The following CSMD1 variants were observed in gnomAD, a reference collection of about 807,000 sequenced individuals.
CSMD1 encodes the protein CUB and sushi domain-containing protein 1.
In CSMD1, 213 loss-of-function variants were observed where a neutral mutation model predicts 417.5. The observed-to-expected ratio is 0.51, with a 90% CI of 0.46 to 0.57. The LOEUF (loss-of-function observed/expected upper bound fraction) is 0.57. Among genes scored for constraint, CSMD1 ranks in the 20% least tolerant of loss-of-function variants. The probability of loss-of-function intolerance (pLI) is 0.00; values close to 1 mark genes in which losing one functional copy is unlikely to be tolerated. For missense variants in CSMD1, 6,923 were observed against 4,529.7 expected (o/e 1.53, Z -15.17); for synonymous variants, 2,862 against 1,736.8 (o/e 1.65, Z -16.11).
At chr8:3,813,081 T>C (rs1188481460) in intron 5 of CSMD1, among the ~76,000 whole-genome samples, 2 of 145,296 alleles carry the variant, frequency 1.4e-5, no homozygotes, top group Non-Finnish European at 3.0e-5. Context: ...GAAAATTCTA[T>C]TTTAAGCTAG....
intron 3 of CSMD1, among the ~76,000 whole-genome samples, chr8:4,175,907 C>T (rs572385943): frequency 2.0e-5 from 3 of 152,066 alleles, no homozygotes; most frequent in African/African-American, 7.3e-5. Context: ...TCCTAATTAC[C>T]ACTTTTCTGT....
At chr8:3,128,755 A>G (rs376997387) in intron 41 of CSMD1, 4 of 407,940 alleles carry the variant, frequency 9.8e-6, no homozygotes, top group South Asian at 7.2e-5. Context: ...TATCTCAGTG[A>G]TAGGAAATTA....
chr8:3,194,509 G>C (rs1796595514), intron 33 of CSMD1, among the ~76,000 whole-genome samples: 1 of 151,166 alleles, frequency 6.6e-6, no homozygotes, highest in Non-Finnish European at 1.5e-5. Flanking sequence ...CCAGGCTGGA[G>C]TACAGTGGTG....
intron 3 of CSMD1, among the ~76,000 whole-genome samples, chr8:4,417,763 A>C (rs1797025677): frequency 6.6e-6 from 1 of 151,982 alleles, no homozygotes; most frequent in South Asian, 2.1e-4. Context: ...CATTTTTCTA[A>C]TTATTATCAT....
At chr8:4,201,993 G>T (rs561836261) in intron 3 of CSMD1, among the ~76,000 whole-genome samples, 1 of 151,784 alleles carries the variant, frequency 6.6e-6, no homozygotes, top group Non-Finnish European at 1.5e-5. Context: ...CTTGCATTTT[G>T]ATGATTATAC....
chr8:3,437,018 T>A (rs1436757895), intron 12 of CSMD1, among the ~76,000 whole-genome samples: 1 of 152,192 alleles, frequency 6.6e-6, no homozygotes, highest in Non-Finnish European at 1.5e-5. Context: ...AAACCTGGCT[T>A]ATTGCTCATT....
chr8:4,588,825 G>T (rs1013458575), intron 2 of CSMD1, among the ~76,000 whole-genome samples: 2 of 138,026 alleles, frequency 1.4e-5, no homozygotes, highest in Non-Finnish European at 3.2e-5. Context: ...TCTACTCTGT[G>T]CTTGATTCTG....
At chr8:3,363,632 A>G (rs1369751284) in intron 20 of CSMD1, among the ~76,000 whole-genome samples, 1 of 152,124 alleles carries the variant, frequency 6.6e-6, no homozygotes, top group Non-Finnish European at 1.5e-5. Context: ...GGTTCACTCC[A>G]TTCTCCTGCC....
At chr8:4,357,942 G>A (rs1298538618) in intron 3 of CSMD1, among the ~76,000 whole-genome samples, 4 of 152,074 alleles carry the variant, frequency 2.6e-5, no homozygotes, top group Non-Finnish European at 5.9e-5. Context: ...AAAGCCCATT[G>A]CTAGTGGTGT....
At chr8:4,453,553 T>G (rs995717247) in intron 2 of CSMD1, among the ~76,000 whole-genome samples, 13 of 152,280 alleles carry the variant, frequency 8.5e-5, no homozygotes, top group African/African-American at 1.9e-4. Flanking sequence ...CAGAATAACT[T>G]GGGCCACATG....
intron 2 of CSMD1, among the ~76,000 whole-genome samples, chr8:4,541,993 G>T (rs1044137792): frequency 4.6e-5 from 7 of 152,108 alleles, no homozygotes. Flanking sequence ...AGGAAGAAAT[G>T]CTGTGAGCCA....
chr8:3,241,522 G>C (rs1447621794), intron 26 of CSMD1, among the ~76,000 whole-genome samples: 2 of 152,198 alleles, frequency 1.3e-5, no homozygotes, highest in Admixed American at 6.5e-5. Flanking sequence ...GTGAGTCAGA[G>C]AGTCTTGGGC....
chr8:3,749,383 G>A (rs1797211545), intron 6 of CSMD1, among the ~76,000 whole-genome samples: 1 of 152,144 alleles, frequency 6.6e-6, no homozygotes, highest in Non-Finnish European at 1.5e-5. Flanking sequence ...GATTTTAAGA[G>A]TAGCAACTGT....
At chr8:4,490,045 T>TC (rs1047874052) in intron 2 of CSMD1, among the ~76,000 whole-genome samples, 5 of 151,412 alleles carry the variant, frequency 3.3e-5, no homozygotes, top group Non-Finnish European at 7.4e-5. Flanking sequence ...ACCAATTTTT[T>TC]TTTTTTTTTT....
chr8:4,497,167 A>G (rs1402047406), intron 2 of CSMD1, among the ~76,000 whole-genome samples: 1 of 152,130 alleles, frequency 6.6e-6, no homozygotes, highest in Admixed American at 6.5e-5. Context: ...TTTTAGTAGA[A>G]TATTCCAGAG....
At chr8:4,100,992 G>A (rs1414922182) in intron 3 of CSMD1, among the ~76,000 whole-genome samples, 1 of 152,142 alleles carries the variant, frequency 6.6e-6, no homozygotes, top group Non-Finnish European at 1.5e-5. Flanking sequence ...AATCTGAACT[G>A]CGTAGTCCTA....
At chr8:3,495,128 A>G (rs1367152912) in intron 10 of CSMD1, among the ~76,000 whole-genome samples, 1 of 152,260 alleles carries the variant, frequency 6.6e-6, no homozygotes, top group Non-Finnish European at 1.5e-5. Flanking sequence ...CATTTGAAAT[A>G]GGTGTCGAGG....
In CSMD1 at chr8:4,401,398, T is replaced by C. The variant is rs532141024; in HGVS notation, c.415+18555A>G. ...AAAGAGGTGTATCAGATGTTAGTTG[T>C]TTATGACCACAACTATTTTATATTA... On this transcript the variant is annotated intron_variant, in intron 3 of 69. Transcript: ENST00000635120. Among the ~76,000 whole-genome samples the C allele has an allele frequency of 3.9e-5, 6 of 152,302 alleles. No individual in the cohort carries two copies. The South Asian group carries it at 1.2e-3, about 32-fold the overall frequency.
intron 42 of CSMD1, 52 bp downstream of exon 42, chr8:3,118,347 C>A: frequency 8.2e-7 from 1 of 1,218,166 alleles, no homozygotes; most frequent in South Asian, 1.4e-5. Flanking sequence ...ATTTAATGTG[C>A]TATTATGCCC....
Sources: allele counts gnomAD v4.1 joint callset (sites outside exome capture counted in the v4.1 genomes callset), GRCh38; gene constraint gnomAD v4.1.1; transcripts MANE v1.5; gene names NCBI Gene and HGNC (gene_info 2026-07-23, HGNC 2026-07-21).